Variants in SMAD2 observed in about 807,000 individuals in gnomAD.
The protein encoded by SMAD2 is MAD homolog 2.
A neutral mutation model predicts 64.4 loss-of-function variants in SMAD2; 8 were observed. The observed-to-expected ratio is 0.12, with a 90% CI of 0.07 to 0.22. SMAD2 has a LOEUF of 0.22. Ranked by LOEUF, SMAD2 falls within the 10% of genes least tolerant of loss-of-function variation. SMAD2 has a pLI of 1.00. For missense variants in SMAD2, 289 were observed against 561.2 expected (o/e 0.51, Z 4.90); for synonymous variants, 203 against 195.8 (o/e 1.04, Z -0.31).
chr18:47,841,183 G>A lies in SMAD2; in HGVS notation c.*644C>T, dbSNP rs1246936560. On this transcript the variant is annotated 3_prime_UTR_variant, in exon 11 of 11. Transcript: ENST00000262160. ...AAAAAAAAACAAAAAACCACAAAAA[G>A]AATGACTGTTTAAGCCCCACTGAAC... The A allele has an allele frequency of 4.4e-6, 1 of 227,910 alleles. No individual in the cohort carries two copies. Among genetic ancestry groups the A allele is most frequent in the Non-Finnish European group, 8.6e-6 (1 of 116,322 alleles). The allele number at this position is 227,910 out of a possible 1,614,324, so 14.1% of individuals were successfully genotyped here. A position where few individuals can be genotyped will look rare whatever the true frequency, so the allele number is the denominator to read the frequency against.
intron 3 of SMAD2, 114 bp from the exon 4 acceptor site, chr18:47,869,550 A>G: frequency 2.6e-6 from 2 of 768,508 alleles, no homozygotes; most frequent in Non-Finnish European, 4.3e-6. Flanking sequence ...AATGACAGCC[A>G]TTTAGTTAGT....
chr18:47,831,439 T>C lies in SMAD2; in HGVS notation c.*10388A>G, dbSNP rs1912988947. On this transcript the variant is annotated 3_prime_UTR_variant, in exon 11 of 11. Transcript: ENST00000262160. ...TTAACTTCTTTTTCCTGTCATCACA[T>C]CTCTTTCCTAAACTACTTTAGAACT... 1 of 152,220 alleles carries C rather than the reference T, an allele frequency of 6.6e-6. No individual in the cohort carries two copies. The highest frequency in any genetic ancestry group is 6.5e-5 in the Admixed American group (1 of 15,288). The allele number at this position is 152,220 out of a possible 1,614,324, so 9.4% of individuals were successfully genotyped here.
chr18:47,837,390 G>A lies in SMAD2; in HGVS notation c.*4437C>T, dbSNP rs924538916. On this transcript the variant is annotated 3_prime_UTR_variant, in exon 11 of 11. Transcript: ENST00000262160. ...ATCCTGGCCAACACGGTGAAACCCC[G>A]TCTCTACTAAAAATACAAAAAATTA... The A allele has an allele frequency of 2.6e-5, 5 of 191,540 alleles. No individual in the cohort carries two copies. The highest frequency in any genetic ancestry group is 1.7e-4 in the East Asian group (2 of 12,032). 11.9% of individuals were successfully genotyped at this position (191,540 alleles called of 1,614,324 possible).
chr18:47,840,093 T>A lies in SMAD2; in HGVS notation c.*1734A>T, dbSNP rs1009396203. ...GAACAATAAATATTTGTTGAATGAA[T>A]AAAAAATTACTATACCAAATTTACA... On this transcript the variant is annotated 3_prime_UTR_variant, in exon 11 of 11. Coordinates refer to ENST00000262160, the MANE Select transcript of SMAD2 (RefSeq NM_005901.6). 4 of 233,118 alleles carry A rather than the reference T, an allele frequency of 1.7e-5. No homozygotes were observed. In the East Asian group the frequency reaches 1.8e-4, roughly 11 times the overall value. 14.4% of individuals were successfully genotyped at this position (233,118 alleles called of 1,614,324 possible). A position where few individuals can be genotyped will look rare whatever the true frequency, so the allele number is the denominator to read the frequency against.
chr18:47,887,574 TCAAGGTAAGC>T (rs2032977260), intron 2 of SMAD2, among the ~76,000 whole-genome samples: 1 of 152,180 alleles, frequency 6.6e-6, no homozygotes, highest in Non-Finnish European at 1.5e-5. Flanking sequence ...CTTGATCCTT[TCAAGGTAAGC>T]CAACTTCAAC....
At chr18:47,874,522 C>T (rs572127143) in intron 2 of SMAD2, among the ~76,000 whole-genome samples, 4 of 152,048 alleles carry the variant, frequency 2.6e-5, no homozygotes, top group African/African-American at 9.6e-5. Flanking sequence ...GTGCACTTCA[C>T]CTATAAAAAA....
rs1912743097 is a variant in SMAD2, at chr18:47,826,058, C to T, written c.*15769G>A. Reference sequence around the variant, plus strand: ...AGGCTCAGCGTTTGGAGAGTGTTAACTTCCAGTCATGTGATAATGGCCAGG... The same window carrying T: ...AGGCTCAGCGTTTGGAGAGTGTTAATTTCCAGTCATGTGATAATGGCCAGG... On this transcript the variant is annotated 3_prime_UTR_variant, in exon 11 of 11. Coordinates refer to ENST00000262160, the MANE Select transcript of SMAD2 (RefSeq NM_005901.6). The T allele has an allele frequency of 1.3e-5, 2 of 152,214 alleles. No homozygotes were observed. Among genetic ancestry groups the T allele is most frequent in the African/African-American group, 2.4e-5 (1 of 41,452 alleles). The allele number at this position is 152,214 out of a possible 1,614,324, so 9.4% of individuals were successfully genotyped here.
chr18:47,811,544 G>C lies in SMAD2; in HGVS notation c.*30283C>G. 1 of 151,944 alleles carries C rather than the reference G, an allele frequency of 6.6e-6. No homozygotes were observed. The highest frequency in any genetic ancestry group is 1.9e-4 in the East Asian group (1 of 5,186). 9.4% of individuals were successfully genotyped at this position (151,944 alleles called of 1,614,324 possible). Reference sequence around the variant, plus strand: ...ACAGCAATGCTTCAGTGCTCCTAAGGGGCCGCTTTACTTCTGTAAGCTGGG... The same window carrying C: ...ACAGCAATGCTTCAGTGCTCCTAAGCGGCCGCTTTACTTCTGTAAGCTGGG... On this transcript the variant is annotated 3_prime_UTR_variant, in exon 11 of 11. Transcript: ENST00000262160.
intron 7 of SMAD2, among the ~76,000 whole-genome samples, 189 bp from the exon 8 acceptor site, chr18:47,848,876 A>G (rs1181289344): frequency 6.6e-6 from 1 of 152,150 alleles, no homozygotes; most frequent in African/African-American, 2.4e-5. Context: ...TTTTCACACA[A>G]AACTCCAGTT....
At chr18:47,914,947 CATTT>C (rs1483451860) in intron 1 of SMAD2, among the ~76,000 whole-genome samples, 6 of 152,002 alleles carry the variant, frequency 3.9e-5, no homozygotes, top group Non-Finnish European at 8.8e-5. Flanking sequence ...TGAGTATTTC[CATTT>C]ATTTATTATC....
In SMAD2 at chr18:47,865,138, A is replaced by G; in HGVS notation, c.656-5T>C. On this transcript the variant is annotated splice_polypyrimidine_tract_variant and splice_region_variant and intron_variant, in intron 5 of 10. Coordinates refer to ENST00000262160, the MANE Select transcript of SMAD2 (RefSeq NM_005901.6). Reference sequence around the variant, plus strand: ...TATATCCAGGAGGTGGCGTTTCTACAAAAGTTTAAAACAAATCAAGCACAG... The same window carrying G: ...TATATCCAGGAGGTGGCGTTTCTACGAAAGTTTAAAACAAATCAAGCACAG... 2 of 1,579,474 alleles carry G rather than the reference A, an allele frequency of 1.3e-6. No individual in the cohort carries two copies. Among genetic ancestry groups the G allele is most frequent in the Non-Finnish European group, 1.7e-6 (2 of 1,148,880 alleles).
At chr18:47,848,347 T>C (rs1914734924) in intron 8 of SMAD2, 128 bp downstream of exon 8, 1 of 725,924 alleles carries the variant, frequency 1.4e-6, no homozygotes. Flanking sequence ...CTTAAATGTG[T>C]CGGCACTTAA....
At chr18:47,865,154 T>C in intron 5 of SMAD2, 21 bp from the exon 6 acceptor site, 3 of 1,416,202 alleles carry the variant, frequency 2.1e-6, no homozygotes, top group South Asian at 1.2e-5. Flanking sequence ...TTAAAACAAA[T>C]CAAGCACAGC....
intron 6 of SMAD2, among the ~76,000 whole-genome samples, 190 bp from the exon 7 acceptor site, chr18:47,851,517 T>C (rs1420676241): frequency 7.0e-6 from 1 of 142,260 alleles, no homozygotes; most frequent in African/African-American, 2.5e-5. Flanking sequence ...GAAGGGGGGG[T>C]TCCAGTATAA....
chr18:47,893,667 A>T (rs2033309621), intron 2 of SMAD2, among the ~76,000 whole-genome samples: 1 of 152,324 alleles, frequency 6.6e-6, no homozygotes, highest in Admixed American at 6.5e-5. Flanking sequence ...CTGAATTCCA[A>T]CTAAATTTCT....
intron 6 of SMAD2, among the ~76,000 whole-genome samples, chr18:47,857,264 G>A (rs2030785670): frequency 6.6e-6 from 1 of 152,170 alleles, no homozygotes; most frequent in Non-Finnish European, 1.5e-5. Flanking sequence ...CCCTGCCAAA[G>A]TGATACAACA....
intron 1 of SMAD2, among the ~76,000 whole-genome samples, chr18:47,903,106 G>A (rs1439623632): frequency 6.6e-6 from 1 of 152,082 alleles, no homozygotes; most frequent in African/African-American, 2.4e-5. Context: ...TCATCAATGG[G>A]GGATGGGGGG....
intron 2 of SMAD2, among the ~76,000 whole-genome samples, chr18:47,880,191 T>C (rs1472775093): frequency 6.6e-6 from 1 of 152,232 alleles, no homozygotes; most frequent in Non-Finnish European, 1.5e-5. Flanking sequence ...GTCACTGCTT[T>C]CTATATACTT....
chr18:47,843,390 T>G (rs1353228807), intron 10 of SMAD2, among the ~76,000 whole-genome samples: 1 of 152,154 alleles, frequency 6.6e-6, no homozygotes, highest in Admixed American at 6.5e-5. Context: ...TGTTCTCCCC[T>G]GTCCCACTTC....
Sources: gnomAD v4.1 joint callset for allele counts (sites outside exome capture counted in the v4.1 genomes callset) on GRCh38, gnomAD v4.1.1 for gene constraint, MANE v1.5 for transcripts, NCBI Gene and HGNC (gene_info 2026-07-23, HGNC 2026-07-21) for gene names.